The following CCDC175 variants were observed in gnomAD, a reference collection of about 807,000 sequenced individuals.
CCDC175 encodes the protein coiled-coil domain containing 175.
Under a neutral mutation model 114.6 loss-of-function variants are expected in CCDC175, and 100 were observed. That is an observed-to-expected ratio of 0.87 (90% CI 0.74 to 1.03). CCDC175 has a LOEUF of 1.03. CCDC175 is among the 50% of genes least tolerant of loss of function. The pLI is 0.00. For synonymous variants in CCDC175, 306 were observed against 308.7 expected, an observed-to-expected ratio of 0.99 and a Z score of 0.09; for missense variants, 880 against 917.8, an observed-to-expected ratio of 0.96 and a Z score of 0.53.
Position 59,506,652 on chromosome 14 carries a change from C to T in CCDC175, c.2306-1337G>A, listed in dbSNP as rs530740709. ...GTTTGAGAACCACTGATCTAAACTC[C>T]TCCTATTTCAGATCTTAATTTTTCC... On this transcript the variant is annotated intron_variant, in intron 19 of 19. Coordinates refer to ENST00000537690, the MANE Select transcript of CCDC175 (RefSeq NM_001164399.2). Among the ~76,000 whole-genome samples, 3 of 151,524 alleles carry T rather than the reference C, an allele frequency of 2.0e-5. No homozygotes were observed. The South Asian group carries it at 6.2e-4, about 31-fold the overall frequency.
chr14:59,509,982 CT>C (rs553525734), intron 19 of CCDC175, among the ~76,000 whole-genome samples: 54 of 152,224 alleles, frequency 3.5e-4, no homozygotes, highest in Middle Eastern at 3.4e-3. Context: ...GTTCTCTTTC[CT>C]TCTCCCAAGC....
At chr14:59,513,006 A>G (rs1409412316) in intron 17 of CCDC175, among the ~76,000 whole-genome samples, 1 of 152,232 alleles carries the variant, frequency 6.6e-6, no homozygotes, top group Non-Finnish European at 1.5e-5. Flanking sequence ...GTATAAAGTT[A>G]GGCATTTAGA....
chr14:59,508,584 A>G (rs945731215), intron 19 of CCDC175, among the ~76,000 whole-genome samples: 3 of 150,506 alleles, frequency 2.0e-5, no homozygotes, highest in African/African-American at 7.3e-5. Flanking sequence ...AAAAAAAAAA[A>G]AGAGAGAAAA....
In CCDC175 at chr14:59,551,379, A is replaced by C. The variant is rs945714652; in HGVS notation, c.1011T>G (p.Asn337Lys). 4 of 1,441,756 alleles carry C rather than the reference A, an allele frequency of 2.8e-6. No individual in the cohort carries two copies. In the African/African-American group the frequency reaches 5.7e-5, roughly 21 times the overall value. The allele number at this position is 1,441,756 out of a possible 1,614,324, so 89.3% of individuals were successfully genotyped here. ...CCTGTTTTATCTTGTTCAGGAATTC[A>C]TTTTTTTCATCATTAGATATATCAT... ...KLDDISNDEK[N>K]EFLNKIKQLV... Residue 337 changes from asparagine to lysine, a missense_variant, in exon 8 of 20, where the codon AAT (asparagine) becomes AAG (lysine). Transcript: ENST00000537690.
chr14:59,549,034 G>C (rs1895287473), intron 8 of CCDC175, among the ~76,000 whole-genome samples: 1 of 152,194 alleles, frequency 6.6e-6, no homozygotes, highest in Admixed American at 6.5e-5. Context: ...TCTGCAACAG[G>C]ATTTCTCCCC....
chr14:59,565,903 G>C (rs771676631), intron 4 of CCDC175, among the ~76,000 whole-genome samples: 1 of 152,118 alleles, frequency 6.6e-6, no homozygotes, highest in African/African-American at 2.4e-5. Flanking sequence ...ATCTGAATGG[G>C]ATCTGGCCAG....
At chr14:59,512,508 A>C (rs570227145) in intron 17 of CCDC175, among the ~76,000 whole-genome samples, 1 of 152,324 alleles carries the variant, frequency 6.6e-6, no homozygotes, top group African/African-American at 2.4e-5. Context: ...GATTTCCTTC[A>C]TACTTTGCCC....
Position 59,525,366 on chromosome 14 carries a change from T to C in CCDC175, c.1911A>G (p.Glu637=). 6.6e-7 allele frequency: 1 copy of C among 1,520,876 alleles called. No homozygotes were observed. The highest frequency in any genetic ancestry group is 8.8e-7 in the Non-Finnish European group (1 of 1,140,614). The allele number at this position is 1,520,876 out of a possible 1,614,324, so 94.2% of individuals were successfully genotyped here. ...ATCCATTTTCTAAGTTCTTTAGAGT[T>C]TCAAAATGATCTTTGTTTTTTTTGC... ...QESKKNKDHF[E]TLKNLENGFY... is the part of the protein sequence containing the mutation. Residue 637 remains glutamate (E), a synonymous_variant, in exon 16 of 20, where the codon GAA becomes GAG. Coordinates refer to ENST00000537690, the MANE Select transcript of CCDC175 (RefSeq NM_001164399.2).
chr14:59,546,380 G>A (rs976760241), intron 8 of CCDC175, among the ~76,000 whole-genome samples: 1 of 152,056 alleles, frequency 6.6e-6, no homozygotes, highest in African/African-American at 2.4e-5. Context: ...TCACTACTTG[G>A]GTGACGGGAT....
At chr14:59,550,074 C>A (rs767638270) in intron 8 of CCDC175, among the ~76,000 whole-genome samples, 44 of 152,054 alleles carry the variant, frequency 2.9e-4, no homozygotes, top group Admixed American at 9.8e-4. Context: ...CCACACCCAG[C>A]TAATTTTTTA....
Position 59,530,265 on chromosome 14 carries a change from G to C in CCDC175, c.1762+1507C>G, listed in dbSNP as rs182094876. ...ACCTGTAATCCCAGCTACTCAGGAG[G>C]CTGAGGCAGGAGAATCGCTTGAACC... On this transcript the variant is annotated intron_variant, in intron 14 of 19. Coordinates refer to ENST00000537690, the MANE Select transcript of CCDC175 (RefSeq NM_001164399.2). 3.9e-3 allele frequency among the ~76,000 whole-genome samples: 600 copies of C among 152,146 alleles called. 4 individuals carry two copies. The highest frequency in any genetic ancestry group is 0.014 in the African/African-American group (563 of 41,492).
chr14:59,554,941 C>A (rs188340453), intron 7 of CCDC175, among the ~76,000 whole-genome samples: 2 of 152,088 alleles, frequency 1.3e-5, no homozygotes, highest in Non-Finnish European at 2.9e-5. Flanking sequence ...CTGAATAGAC[C>A]AATAACAGGC....
At chr14:59,524,868 CA>C (rs1396163517) in intron 16 of CCDC175, among the ~76,000 whole-genome samples, 6 of 152,110 alleles carry the variant, frequency 3.9e-5, no homozygotes, top group African/African-American at 1.4e-4. Context: ...TCATACAGTG[CA>C]ATACTATACA....
intron 6 of CCDC175, among the ~76,000 whole-genome samples, chr14:59,562,183 G>A (rs968086001): frequency 1.8e-4 from 28 of 152,228 alleles, no homozygotes; most frequent in Admixed American, 6.5e-5. Context: ...AGGCCTGATA[G>A]GCCTGACATC....
intron 7 of CCDC175, among the ~76,000 whole-genome samples, chr14:59,555,912 T>A (rs1895869411): frequency 6.6e-6 from 1 of 152,132 alleles, no homozygotes; most frequent in Non-Finnish European, 1.5e-5. Flanking sequence ...TTACAAGGGA[T>A]GTGAAGGACC....
chr14:59,538,006 T>C lies in CCDC175; in HGVS notation c.1623+17A>G, dbSNP rs1894512284. 1.3e-6 allele frequency: 2 copies of C among 1,503,520 alleles called. No individual in the cohort carries two copies. The highest frequency in any genetic ancestry group is 1.2e-5 in the South Asian group (1 of 82,474). The allele number at this position is 1,503,520 out of a possible 1,614,324, so 93.1% of individuals were successfully genotyped here. ...GTAGTCATCCAAAAGTATTCTTAGA[T>C]GCAAAATAAAATTTACCTCATACTT... On this transcript the variant is annotated intron_variant, in intron 13 of 19. Transcript: ENST00000537690.
At chr14:59,533,759 C>T (rs990863348) in intron 13 of CCDC175, among the ~76,000 whole-genome samples, 45 of 151,944 alleles carry the variant, frequency 3.0e-4, no homozygotes, top group Non-Finnish European at 5.6e-4. Flanking sequence ...GAGGCAGAGG[C>T]GGGCAGATCA....
At chr14:59,557,649 G>C (rs918122381) in intron 7 of CCDC175, among the ~76,000 whole-genome samples, 4 of 150,292 alleles carry the variant, frequency 2.7e-5, no homozygotes, top group Admixed American at 1.3e-4. Flanking sequence ...AAAAGAACAT[G>C]CTTTCCAGAA....
chr14:59,540,454 C>T (rs1894702832), intron 11 of CCDC175, among the ~76,000 whole-genome samples: 1 of 149,526 alleles, frequency 6.7e-6, no homozygotes, highest in South Asian at 2.1e-4. Flanking sequence ...TTGGTGACCG[C>T]ACTTGATTGA....
Sources: allele counts gnomAD v4.1 joint callset (sites outside exome capture counted in the v4.1 genomes callset), GRCh38; gene constraint gnomAD v4.1.1; transcripts MANE v1.5; gene names NCBI Gene and HGNC (gene_info 2026-07-23, HGNC 2026-07-21).